COL6A5: variants seen among roughly 807,000 people sequenced by gnomAD.
COL6A5 encodes the protein collagen alpha-5(VI) chain.
In COL6A5, 48 loss-of-function variants were observed where a neutral mutation model predicts 65.6. The observed-to-expected ratio is 0.73, with a 90% CI of 0.58 to 0.93. COL6A5 has a LOEUF of 0.93. COL6A5 is among the 40% of genes least tolerant of loss of function. The probability of loss-of-function intolerance (pLI) is 0.00; values close to 1 mark genes in which losing one functional copy is unlikely to be tolerated. For missense variants in COL6A5, 914 were observed against 928.3 expected, an observed-to-expected ratio of 0.98 and a Z score of 0.20; for synonymous variants, 291 against 322.8, an observed-to-expected ratio of 0.90 and a Z score of 1.05.
In COL6A5 at chr3:130,414,105, G is replaced by C. The variant is rs1168728515; in HGVS notation, c.4735G>C (p.Gly1579Arg). Residue 1579 changes from glycine (G) to arginine (R), a missense_variant and NMD_transcript_variant, in exon 22 of 42, where the codon GGA (glycine) becomes CGA (arginine). Coordinates refer to the COL6A5 transcript ENST00000312481. ...AAATCCTGGACCTACAGGCACATTG[G>C]GAGCTGAAGGATTACAAGGCCCACA... The C allele has an allele frequency of 1.6e-5, 25 of 1,550,808 alleles. No individual in the cohort carries two copies. The highest frequency in any genetic ancestry group is 2.2e-5 in the Non-Finnish European group (25 of 1,146,366).
exon 7 of COL6A5, chr3:130,391,454 A>G: frequency 6.4e-7 from 1 of 1,550,908 alleles, no homozygotes; most frequent in Non-Finnish European, 8.7e-7. Flanking sequence ...CAAGGCTCTC[A>G]AGCACGCAAA....
intron 1 of COL6A5, among the ~76,000 whole-genome samples, chr3:130,352,647 A>G (rs1934766848): frequency 6.6e-6 from 1 of 152,190 alleles, no homozygotes; most frequent in Non-Finnish European, 1.5e-5. Context: ...GTTAGTACAG[A>G]GCTACTGTAA....
At chr3:130,403,281 G>A (rs10934939) in intron 12 of COL6A5, among the ~76,000 whole-genome samples, 31,580 of 152,126 alleles carry the variant, frequency 0.21, 4,315 homozygotes, top group African/African-American at 0.38. Context: ...TTTGTCTGCT[G>A]AAAGGGTTGT....
At chr3:130,399,434 G>A (rs188855719) in intron 10 of COL6A5, among the ~76,000 whole-genome samples, 406 of 147,586 alleles carry the variant, frequency 2.8e-3, no homozygotes, top group Non-Finnish European at 4.7e-3. Context: ...GCAGTGGCCC[G>A]ATCTTGGCTC....
exon 3 of COL6A5, chr3:130,376,250 G>T (rs777176863): frequency 1.9e-6 from 3 of 1,603,662 alleles, no homozygotes; most frequent in Non-Finnish European, 2.6e-6. Flanking sequence ...CAGGCCCTGT[G>T]TATGCAGATG....
chr3:130,388,872 C>G (rs1336492336), exon 6 of COL6A5: 1 of 1,551,164 alleles, frequency 6.4e-7, no homozygotes, highest in East Asian at 2.4e-5. Context: ...GTCAATACTT[C>G]ACCCACTCCA....
At chr3:130,369,484 G>A (rs1935471932) in intron 1 of COL6A5, among the ~76,000 whole-genome samples, 1 of 152,058 alleles carries the variant, frequency 6.6e-6, no homozygotes, top group Non-Finnish European at 1.5e-5. Flanking sequence ...CTCTTAGAGG[G>A]TTGCAAGCTT....
chr3:130,375,923 G>A (rs1271562710), intron 2 of COL6A5, among the ~76,000 whole-genome samples: 1 of 152,116 alleles, frequency 6.6e-6, no homozygotes. Context: ...TGAGATTTGG[G>A]TAGGGACACA....
Position 130,402,428 on chromosome 3 carries a change from A to G in COL6A5, c.4227+574A>G, listed in dbSNP as rs75803826. Among the ~76,000 whole-genome samples the G allele has an allele frequency of 6.3e-4, 96 of 152,382 alleles. No homozygotes were observed. The East Asian group carries it at 0.016, about 25-fold the overall frequency. On this transcript the variant is annotated intron_variant and NMD_transcript_variant, in intron 12 of 41. Transcript: ENST00000312481. ...GAATAAATATGTCATGATATTTTCA[A>G]TAAAATATGTCAATGAAAATGAATG... is the stretch of plus-strand genomic sequence containing the variant.
chr3:130,415,568 G>T, intron 22 of COL6A5, 77 bp from the exon 23 acceptor site: 2 of 1,304,818 alleles, frequency 1.5e-6, no homozygotes, highest in South Asian at 1.4e-5. Flanking sequence ...CTTTTCTGCA[G>T]GGTGTTTCAA....
At chr3:130,442,547 C>T (rs1035409178) in intron 3 of COL6A5, among the ~76,000 whole-genome samples, 2 of 152,158 alleles carry the variant, frequency 1.3e-5, no homozygotes, top group Admixed American at 6.5e-5. Flanking sequence ...ACACCCAATT[C>T]GCTGCCTTCC....
At chr3:130,475,899 A>C (rs911959192) in intron 7 of COL6A5, among the ~76,000 whole-genome samples, 2 of 152,116 alleles carry the variant, frequency 1.3e-5, no homozygotes, top group African/African-American at 4.8e-5. Flanking sequence ...CCTAGTACAC[A>C]GATGGAGAAA....
At chr3:130,459,564 C>T (rs1286203761) in intron 5 of COL6A5, among the ~76,000 whole-genome samples, 1 of 152,018 alleles carries the variant, frequency 6.6e-6, no homozygotes, top group Non-Finnish European at 1.5e-5. Context: ...GTGTACAGGA[C>T]AGCCCCTCAC....
intron 1 of COL6A5, among the ~76,000 whole-genome samples, chr3:130,351,142 C>T (rs1044119701): frequency 6.6e-6 from 1 of 152,194 alleles, no homozygotes; most frequent in Admixed American, 6.5e-5. Flanking sequence ...CTGTTCCTTA[C>T]ACCTTATACA....
At chr3:130,468,828 A>T in exon 6 of COL6A5, 1 of 1,610,798 alleles carries the variant, frequency 6.2e-7, no homozygotes. Context: ...GAAGAACCAG[A>T]TCATACTTAT....
intron 7 of COL6A5, among the ~76,000 whole-genome samples, chr3:130,473,065 A>C (rs1432187303): frequency 6.6e-6 from 1 of 151,096 alleles, no homozygotes; most frequent in Non-Finnish European, 1.5e-5. Context: ...GATAGATATA[A>C]TAAAATACAA....
chr3:130,422,704 A>G lies in COL6A5; in HGVS notation c.5038-16A>G, dbSNP rs139410843. The G allele has an allele frequency of 5.1e-4, 760 of 1,500,756 alleles. 5 individuals are homozygous for G. In the Middle Eastern group the frequency reaches 5.8e-3, roughly 11 times the overall value. The allele number at this position is 1,500,756 out of a possible 1,614,324, so 93.0% of individuals were successfully genotyped here. A position where few individuals can be genotyped will look rare whatever the true frequency, so the allele number is the denominator to read the frequency against. On this transcript the variant is annotated splice_polypyrimidine_tract_variant and intron_variant and NMD_transcript_variant, in intron 27 of 41. Transcript: ENST00000312481. ...AAATACTTTAACATCTTGACTTTTTATATCTGAATCTTCAGGGTGATATTG... is the reference window on the plus strand; with the variant it reads ...AAATACTTTAACATCTTGACTTTTTGTATCTGAATCTTCAGGGTGATATTG...
chr3:130,484,459 A>C (rs2107631892), exon 8 of COL6A5: 2 of 402,634 alleles, frequency 5.0e-6, no homozygotes, highest in East Asian at 7.1e-5. Context: ...TTTCCTAGGA[A>C]TATCTTCTAC....
rs151304762 is a variant in COL6A5 at position 130,409,322 on chromosome 3, T to C, written c.4480-4T>C. On this transcript the variant is annotated splice_region_variant and splice_polypyrimidine_tract_variant and intron_variant and NMD_transcript_variant, in intron 17 of 41. Transcript: ENST00000312481. ...AACTCAGAAATTCATTTCATTTTTTTCAGGGCAGCCCAGGTTCCAGAGGTG... is the reference window on the plus strand; with the variant it reads ...AACTCAGAAATTCATTTCATTTTTTCCAGGGCAGCCCAGGTTCCAGAGGTG... 2.6e-5 allele frequency: 40 copies of C among 1,535,824 alleles called. No individual in the cohort carries two copies. In the African/African-American group the frequency reaches 5.0e-4, roughly 19 times the overall value.
Sources: allele counts gnomAD v4.1 joint callset (sites outside exome capture counted in the v4.1 genomes callset), GRCh38; gene constraint gnomAD v4.1.1; transcripts MANE v1.5; gene names NCBI Gene and HGNC (gene_info 2026-07-23, HGNC 2026-07-21).